Variants in STAU1 observed in about 807,000 individuals in gnomAD.
STAU1 encodes staufen double-stranded RNA binding protein 1.
Under a neutral mutation model 62.9 loss-of-function variants are expected in STAU1, and 13 were observed. The ratio of observed to expected loss-of-function variants is 0.21; its 90% CI spans 0.13 to 0.33. The LOEUF is 0.33. Among genes scored for constraint, STAU1 ranks in the 10% least tolerant of loss-of-function variants. The pLI is 1.00. For missense variants in STAU1, 571 were observed against 712.1 expected (o/e 0.80, Z 2.25); for synonymous variants, 269 against 265.1 (o/e 1.01, Z -0.14).
rs533049798 is a variant in STAU1 at position 49,140,340 on chromosome 20, T to C, written c.511-4409A>G. On this transcript the variant is annotated intron_variant, in intron 5 of 13. Transcript: ENST00000371856. ...ACCCAAAAGACCTGAAAGTAGCAAC[T>C]TGAACACATTTTTATACACCAGGGT... Among the ~76,000 whole-genome samples, 20 of 152,298 alleles carry C rather than the reference T, an allele frequency of 1.3e-4. No individual in the cohort carries two copies. The East Asian group carries it at 3.5e-3, about 26-fold the overall frequency.
At chr20:49,214,525 A>AC in the STAU1 span, among the ~76,000 whole-genome samples, 7 of 136,394 alleles carry the variant, frequency 5.1e-5, no homozygotes, top group South Asian at 1.7e-3. Flanking sequence ...CTCAAAAAAA[A>AC]AAAAAAAACA....
intron 12 of STAU1, among the ~76,000 whole-genome samples, chr20:49,116,925 T>TGAGA: frequency 6.6e-6 from 1 of 152,078 alleles, no homozygotes; most frequent in South Asian, 2.1e-4. Context: ...AGCTGATGAG[T>TGAGA]TCTGATCAAG....
At chr20:49,218,032 C>A in the STAU1 span, among the ~76,000 whole-genome samples, 1 of 150,686 alleles carries the variant, frequency 6.6e-6, no homozygotes, top group East Asian at 2.0e-4. Flanking sequence ...CACCACCATG[C>A]CCGGCTAATT....
At chr20:49,163,952 C>T (rs879404014) in intron 3 of STAU1, among the ~76,000 whole-genome samples, 1 of 152,070 alleles carries the variant, frequency 6.6e-6, no homozygotes, top group South Asian at 2.1e-4. Context: ...GGCCTCGCAG[C>T]CTGGCACAAT....
chr20:49,209,618 C>T, the STAU1 span, among the ~76,000 whole-genome samples: 272 of 152,180 alleles, frequency 1.8e-3, 1 homozygote, highest in African/African-American at 6.3e-3. Flanking sequence ...GTGTCGGATG[C>T]CTGTAATCCT....
chr20:49,168,527 ACAAAC>A (rs1325990210), intron 2 of STAU1, among the ~76,000 whole-genome samples: 1 of 152,198 alleles, frequency 6.6e-6, no homozygotes, highest in South Asian at 2.1e-4. Flanking sequence ...TCAAAACAAA[ACAAAC>A]CAAAAAAAAA....
chr20:49,212,615 A>ATTTTTTTTTTT, the STAU1 span, among the ~76,000 whole-genome samples: 31,883 of 84,872 alleles, frequency 0.38, 7,439 homozygotes, highest in East Asian at 0.52. Context: ...AGCTATTGGA[A>ATTTTTTTTTTT]TTTTTTTTTT....
intron 8 of STAU1, among the ~76,000 whole-genome samples, chr20:49,121,728 CAT>C (rs1413367714): frequency 5.9e-5 from 9 of 152,300 alleles, no homozygotes; most frequent in African/African-American, 2.2e-4. Flanking sequence ...TTATAACACA[CAT>C]GTATATAACA....
intron 5 of STAU1, among the ~76,000 whole-genome samples, chr20:49,138,799 C>T (rs1360222576): frequency 3.3e-5 from 5 of 152,060 alleles, no homozygotes; most frequent in Non-Finnish European, 7.4e-5. Context: ...CATACCCAGC[C>T]CACACTTGTA....
intron 3 of STAU1, chr20:49,159,052 A>T: frequency 7.9e-7 from 1 of 1,266,372 alleles, no homozygotes; most frequent in Middle Eastern, 2.2e-4. Flanking sequence ...AAACCCTGGC[A>T]GGCAGGAAGG....
chr20:49,188,651 T>C (rs1248654554), upstream of STAU1, among the ~76,000 whole-genome samples: 1 of 152,208 alleles, frequency 6.6e-6, no homozygotes, highest in Admixed American at 6.5e-5. Context: ...CCTACCTTCT[T>C]TCCTCCTCCA....
chr20:49,128,458 A>G lies in STAU1; in HGVS notation c.610-3871T>C, dbSNP rs140592490. 1.2e-4 allele frequency among the ~76,000 whole-genome samples: 19 copies of G among 152,302 alleles called. No homozygotes were observed. The East Asian group carries it at 3.5e-3, about 28-fold the overall frequency. On this transcript the variant is annotated intron_variant, in intron 6 of 13. Coordinates refer to ENST00000371856, the MANE Select transcript of STAU1 (RefSeq NM_017453.4). Reference sequence around the variant, plus strand: ...GTCCTGTCTCTACACACCACTCCCAATTAGAAGGAACCGGATCTTCTTGGA... The same window carrying G: ...GTCCTGTCTCTACACACCACTCCCAGTTAGAAGGAACCGGATCTTCTTGGA...
chr20:49,145,853 G>T (rs1030948816), intron 5 of STAU1, among the ~76,000 whole-genome samples: 1 of 151,390 alleles, frequency 6.6e-6, no homozygotes, highest in Non-Finnish European at 1.5e-5. Context: ...GATCATGTCT[G>T]TGTACAGCCA....
chr20:49,215,067 G>A, the STAU1 span, among the ~76,000 whole-genome samples: 1 of 152,222 alleles, frequency 6.6e-6, no homozygotes, highest in Non-Finnish European at 1.5e-5. Flanking sequence ...AAAGACCTTA[G>A]AAGCGCAGGC....
chr20:49,116,852 G>T (rs1284791827), intron 12 of STAU1, among the ~76,000 whole-genome samples: 5 of 152,184 alleles, frequency 3.3e-5, no homozygotes, highest in Admixed American at 3.3e-4. Context: ...GTCTCTGGGT[G>T]AGCTGCAGGA....
At chr20:49,144,374 A>C (rs1600715549) in intron 5 of STAU1, among the ~76,000 whole-genome samples, 1 of 152,184 alleles carries the variant, frequency 6.6e-6, no homozygotes, top group East Asian at 1.9e-4. Flanking sequence ...GAATGACTAG[A>C]TGAGAATATA....
chr20:49,127,198 T>C (rs2092648330), intron 6 of STAU1, among the ~76,000 whole-genome samples: 1 of 150,870 alleles, frequency 6.6e-6, no homozygotes. Context: ...ACTAAAAATA[T>C]AAAAAATTAG....
At chr20:49,115,505 T>C (rs939408975) in intron 13 of STAU1, among the ~76,000 whole-genome samples, 2 of 152,148 alleles carry the variant, frequency 1.3e-5, no homozygotes, top group Non-Finnish European at 2.9e-5. Context: ...TTCACCATCT[T>C]GGCCAGGCTG....
At chr20:49,173,179 C>T (rs1376835665) in intron 2 of STAU1, among the ~76,000 whole-genome samples, 4 of 148,370 alleles carry the variant, frequency 2.7e-5, no homozygotes, top group Non-Finnish European at 3.0e-5. Flanking sequence ...AGCATTAGGC[C>T]GGGCACAGTG....
Sources: gnomAD v4.1 joint callset for allele counts (sites outside exome capture counted in the v4.1 genomes callset) on GRCh38, gnomAD v4.1.1 for gene constraint, MANE v1.5 for transcripts, NCBI Gene and HGNC (gene_info 2026-07-23, HGNC 2026-07-21) for gene names.